IPO11: variants seen among roughly 807,000 people sequenced by gnomAD.
IPO11 encodes the protein importin 11.
Under a neutral mutation model 143.2 loss-of-function variants are expected in IPO11, and 66 were observed. That is an observed-to-expected ratio of 0.46 (90% CI 0.38 to 0.57). The LOEUF (loss-of-function observed/expected upper bound fraction) is 0.57. Ranked by LOEUF, IPO11 falls within the 20% of genes least tolerant of loss-of-function variation. The pLI, the probability that IPO11 is intolerant of heterozygous loss-of-function variation, is 0.00. For missense variants in IPO11, 1,026 were observed against 1,141.0 expected, an observed-to-expected ratio of 0.90 and a Z score of 1.45; for synonymous variants, 385 against 377.8, an observed-to-expected ratio of 1.02 and a Z score of -0.22.
chr5:62,592,812 C>G (rs1326638092), intron 28 of IPO11, among the ~76,000 whole-genome samples: 1 of 152,018 alleles, frequency 6.6e-6, no homozygotes, highest in South Asian at 2.1e-4. Flanking sequence ...CTCACAAGCA[C>G]GAGAACAGCA....
chr5:62,414,594 G>C (rs1743225643), intron 1 of IPO11, among the ~76,000 whole-genome samples: 1 of 152,194 alleles, frequency 6.6e-6, no homozygotes, highest in South Asian at 2.1e-4. Context: ...TAAGTCCACA[G>C]TTATAAGCTT....
chr5:62,424,584 G>GTT (rs776732789), intron 1 of IPO11, among the ~76,000 whole-genome samples: 8 of 139,102 alleles, frequency 5.8e-5, no homozygotes, highest in Admixed American at 1.5e-4. Context: ...CCTGGCTAAG[G>GTT]TTTTTTTTTT....
chr5:62,469,484 G>A (rs942592606), intron 6 of IPO11, among the ~76,000 whole-genome samples: 6 of 152,058 alleles, frequency 3.9e-5, no homozygotes, highest in African/African-American at 1.4e-4. Flanking sequence ...CTTTAGTACT[G>A]TAATAGCAAT....
In IPO11 at chr5:62,485,479, A is replaced by G; in HGVS notation, c.1218+17A>G. ...AGTTTGAGGGTAAGTATTAATTGCAAGAAAAATTGATAGGGGAAAGCTTAA... is the reference window on the plus strand; with the variant it reads ...AGTTTGAGGGTAAGTATTAATTGCAGGAAAAATTGATAGGGGAAAGCTTAA... On this transcript the variant is annotated intron_variant, in intron 12 of 29. Coordinates refer to ENST00000325324, the MANE Select transcript of IPO11 (RefSeq NM_016338.5). 6.3e-7 allele frequency: 1 copy of G among 1,581,922 alleles called. No individual in the cohort carries two copies. Among genetic ancestry groups the G allele is most frequent in the Non-Finnish European group, 8.7e-7 (1 of 1,151,444 alleles).
rs1744619606 is a variant in IPO11, at chr5:62,582,850, G to C, written c.2583-8727G>C. Among the ~76,000 whole-genome samples, 3 of 152,194 alleles carry C rather than the reference G, an allele frequency of 2.0e-5. No individual in the cohort carries two copies. The South Asian group carries it at 6.2e-4, about 32-fold the overall frequency. ...ATTATAGTAAGTGCCTATGCTTGTT[G>C]GTTAGTTAATAGTGACCTGAACCAC... On this transcript the variant is annotated intron_variant, in intron 27 of 29. Transcript: ENST00000325324.
chr5:62,496,237 G>A (rs534393174), intron 16 of IPO11, among the ~76,000 whole-genome samples: 1 of 151,092 alleles, frequency 6.6e-6, no homozygotes, highest in Non-Finnish European at 1.5e-5. Flanking sequence ...GCAGTGAGCC[G>A]AGATTGCCCC....
intron 27 of IPO11, chr5:62,579,637 C>CT (rs1435193163): frequency 6.5e-7 from 1 of 1,549,722 alleles, no homozygotes; most frequent in South Asian, 1.2e-5. Context: ...TTTTCTGTAT[C>CT]TGACTGGGAA....
chr5:62,417,827 A>G (rs975372748), intron 1 of IPO11, among the ~76,000 whole-genome samples: 7 of 152,134 alleles, frequency 4.6e-5, no homozygotes, highest in African/African-American at 1.2e-4. Context: ...AACGTTGTGT[A>G]TTTCAACCTT....
chr5:62,479,198 G>A (rs868507994), intron 9 of IPO11, among the ~76,000 whole-genome samples: 4 of 152,086 alleles, frequency 2.6e-5, no homozygotes, highest in Admixed American at 6.5e-5. Flanking sequence ...TTGGTTTTCC[G>A]TCCTTGCGAT....
chr5:62,493,317 A>G (rs1206615789), intron 15 of IPO11, among the ~76,000 whole-genome samples: 2 of 152,096 alleles, frequency 1.3e-5, no homozygotes, highest in African/African-American at 4.8e-5. Flanking sequence ...GAGCTTCTTT[A>G]TTATTATTTT....
intron 29 of IPO11, among the ~76,000 whole-genome samples, chr5:62,623,513 C>T (rs1746446115): frequency 6.6e-6 from 1 of 152,056 alleles, no homozygotes; most frequent in Admixed American, 6.5e-5. Flanking sequence ...AGGTTGAGTC[C>T]ATAGAGTGAA....
At chr5:62,490,328 A>G (rs967063382) in intron 15 of IPO11, 108 bp downstream of exon 15, 44 of 615,526 alleles carry the variant, frequency 7.1e-5, no homozygotes, top group African/African-American at 6.3e-4. Context: ...ATGCAATCGT[A>G]TAAGTTAGGT....
intron 27 of IPO11, among the ~76,000 whole-genome samples, chr5:62,569,618 G>T (rs1196981327): frequency 3.3e-5 from 5 of 152,178 alleles, no homozygotes; most frequent in Non-Finnish European, 7.3e-5. Context: ...CAAGGGGAGG[G>T]TTCTTTACAA....
chr5:62,536,814 TATATA>T, intron 23 of IPO11, 33 bp downstream of exon 23: 1 of 1,427,218 alleles, frequency 7.0e-7, no homozygotes, highest in Non-Finnish European at 9.2e-7. Context: ...TATATGAAAT[TATATA>T]ATTATTATTT....
At chr5:62,594,120 A>G (rs1291041827) in intron 28 of IPO11, among the ~76,000 whole-genome samples, 2 of 152,200 alleles carry the variant, frequency 1.3e-5, no homozygotes, top group Non-Finnish European at 1.5e-5. Flanking sequence ...AGAAAACTCT[A>G]TTTCCTTCAC....
At chr5:62,463,218 A>G (rs1745436284) in intron 5 of IPO11, among the ~76,000 whole-genome samples, 3 of 152,046 alleles carry the variant, frequency 2.0e-5, no homozygotes, top group South Asian at 4.2e-4. Context: ...ATTTGTTAAG[A>G]AACATTTTGT....
chr5:62,610,314 A>G (rs942045294), intron 29 of IPO11, among the ~76,000 whole-genome samples: 4 of 152,210 alleles, frequency 2.6e-5, no homozygotes, highest in African/African-American at 9.6e-5. Flanking sequence ...TTGGCACAAG[A>G]TGATCTTTAC....
intron 4 of IPO11, among the ~76,000 whole-genome samples, chr5:62,450,971 T>C (rs1310588356): frequency 6.6e-6 from 1 of 152,218 alleles, no homozygotes; most frequent in Non-Finnish European, 1.5e-5. Context: ...TCTTTGCTCT[T>C]TCTTGACAAA....
At chr5:62,425,204 A>C (rs1183873893) in intron 1 of IPO11, among the ~76,000 whole-genome samples, 1 of 152,194 alleles carries the variant, frequency 6.6e-6, no homozygotes, top group African/African-American at 2.4e-5. Flanking sequence ...TCAGATGGTC[A>C]TTGAGAATTC....
Sources: allele counts gnomAD v4.1 joint callset (sites outside exome capture counted in the v4.1 genomes callset), GRCh38; gene constraint gnomAD v4.1.1; transcripts MANE v1.5; gene names NCBI Gene and HGNC (gene_info 2026-07-23, HGNC 2026-07-21).